The following SUPT20H variants were observed in gnomAD, a reference collection of about 807,000 sequenced individuals.
SUPT20H encodes transcription factor SPT20 homolog.
In SUPT20H, 82 loss-of-function variants were observed where a neutral mutation model predicts 122.8. The ratio of observed to expected loss-of-function variants is 0.67; its 90% CI spans 0.56 to 0.80. The LOEUF (loss-of-function observed/expected upper bound fraction) is 0.80, where lower values mean the gene tolerates loss of function less well. Ranked by LOEUF, SUPT20H falls within the 30% of genes least tolerant of loss-of-function variation. The pLI is 0.00. For missense variants in SUPT20H, 831 were observed against 921.6 expected, an observed-to-expected ratio of 0.90 and a Z score of 1.27; for synonymous variants, 291 against 313.0, an observed-to-expected ratio of 0.93 and a Z score of 0.74.
At chr13:37,028,004 C>T (rs538390425) in intron 14 of SUPT20H, 144 bp downstream of exon 14, 81 of 687,890 alleles carry the variant, frequency 1.2e-4, no homozygotes, top group East Asian at 1.0e-3. Flanking sequence ...TTAGGTCTAC[C>T]GCCAAATCTA....
chr13:37,045,129 C>G, intron 6 of SUPT20H, 118 bp downstream of exon 6: 1 of 1,322,290 alleles, frequency 7.6e-7, no homozygotes, highest in Non-Finnish European at 1.0e-6. Flanking sequence ...GTTTTTATCA[C>G]TAGGTCATCA....
chr13:37,025,508 G>A, intron 16 of SUPT20H, 71 bp from the exon 17 acceptor site: 3 of 1,018,412 alleles, frequency 2.9e-6, no homozygotes, highest in African/African-American at 1.6e-5. Context: ...TTATAGGAAA[G>A]AATAATGACT....
chr13:37,059,617 C>G lies in SUPT20H; in HGVS notation c.-152G>C, dbSNP rs2070207204. 2 of 152,276 alleles carry G rather than the reference C, an allele frequency of 1.3e-5. No individual in the cohort carries two copies. The highest frequency in any genetic ancestry group is 4.8e-5 in the African/African-American group (2 of 41,476). The allele number at this position is 152,276 out of a possible 1,614,324, so 9.4% of individuals were successfully genotyped here. A position where few individuals can be genotyped will look rare whatever the true frequency, so the allele number is the denominator to read the frequency against. On this transcript the variant is annotated 5_prime_UTR_variant, in exon 1 of 26. Coordinates refer to ENST00000350612, the MANE Select transcript of SUPT20H (RefSeq NM_001014286.3). ...CGGCGCCGCCTGCTCGGCAGCAAAG[C>G]CCACCCGCCCCGTCGGCGGCTCAGT...
chr13:37,029,301 G>A (rs2062878728), intron 13 of SUPT20H, among the ~76,000 whole-genome samples: 1 of 152,174 alleles, frequency 6.6e-6, no homozygotes, highest in Non-Finnish European at 1.5e-5. Flanking sequence ...GGCCAAGGTG[G>A]GCGGATCACC....
At chr13:37,016,189 G>A (rs2060450985) in intron 23 of SUPT20H, among the ~76,000 whole-genome samples, 2 of 152,114 alleles carry the variant, frequency 1.3e-5, no homozygotes, top group East Asian at 1.9e-4. Flanking sequence ...CCAGCAGTCT[G>A]GGAGGCTGAG....
At chr13:37,054,423 A>G (rs933064239) in intron 1 of SUPT20H, among the ~76,000 whole-genome samples, 30 of 152,198 alleles carry the variant, frequency 2.0e-4, no homozygotes, top group African/African-American at 7.0e-4. Context: ...ATCCACCATG[A>G]TCAAGTGGGC....
intron 7 of SUPT20H, among the ~76,000 whole-genome samples, chr13:37,042,736 A>G (rs2065722036): frequency 6.6e-6 from 1 of 152,214 alleles, no homozygotes; most frequent in South Asian, 2.1e-4. Flanking sequence ...TAGGTGGTGG[A>G]AAGAATGGGA....
chr13:37,017,413 C>T, intron 22 of SUPT20H, 49 bp from the exon 23 acceptor site: 4 of 1,516,540 alleles, frequency 2.6e-6, no homozygotes, highest in Non-Finnish European at 2.7e-6. Flanking sequence ...GATTTTATAT[C>T]AAATATTTAA....
intron 9 of SUPT20H, among the ~76,000 whole-genome samples, chr13:37,037,774 CACATA>C (rs1280221198): frequency 1.3e-5 from 2 of 152,156 alleles, no homozygotes; most frequent in African/African-American, 4.8e-5. Context: ...TTACTATTAT[CACATA>C]ACATATTTTA....
intron 15 of SUPT20H, among the ~76,000 whole-genome samples, 196 bp from the exon 16 acceptor site, chr13:37,026,432 G>C (rs1293316510): frequency 6.6e-6 from 1 of 152,054 alleles, no homozygotes; most frequent in Non-Finnish European, 1.5e-5. Flanking sequence ...CATGCATTAT[G>C]AAACAATGTG....
At position 37,025,224 on chromosome 13, in the gene SUPT20H, G is replaced by A. The variant is rs146413830; in HGVS notation, c.1329+96C>T. The A allele has an allele frequency of 4.5e-4, 476 of 1,065,844 alleles. 3 individuals carry two copies. The East Asian group carries it at 0.011, about 24-fold the overall frequency. 66.0% of individuals were successfully genotyped at this position (1,065,844 alleles called of 1,614,324 possible). On this transcript the variant is annotated intron_variant, in intron 17 of 25. Coordinates refer to ENST00000350612, the MANE Select transcript of SUPT20H (RefSeq NM_001014286.3). ...CCCAAAGTGTTGGGATTACAGGCAT[G>A]AGCCACTGTGCCTAGCCTCCAAAAA...
At chr13:37,031,536 A>G in intron 12 of SUPT20H, 31 bp downstream of exon 12, 2 of 1,437,764 alleles carry the variant, frequency 1.4e-6, no homozygotes, top group Non-Finnish European at 9.3e-7. Context: ...GAAACTTTAT[A>G]TGAAAAAAAG....
chr13:37,048,817 C>T (rs780137789), intron 2 of SUPT20H, among the ~76,000 whole-genome samples: 1 of 152,016 alleles, frequency 6.6e-6, no homozygotes, highest in Admixed American at 6.5e-5. Flanking sequence ...AATGCTTACA[C>T]GGTCTCTCTG....
intron 21 of SUPT20H, 109 bp downstream of exon 21, chr13:37,021,339 T>G: frequency 3.4e-6 from 4 of 1,178,360 alleles, no homozygotes; most frequent in Non-Finnish European, 4.5e-6. Flanking sequence ...GATACAACAC[T>G]TCATGAAATA....
intron 9 of SUPT20H, among the ~76,000 whole-genome samples, chr13:37,036,358 C>T (rs1194401292): frequency 6.7e-6 from 1 of 149,996 alleles, no homozygotes; most frequent in African/African-American, 2.4e-5. Context: ...CGGAGTCTTG[C>T]TCTGTCGCCA....
rs1359298234 is a variant in SUPT20H at position 37,031,626 on chromosome 13, GAAAAATTAA to G, written c.865-12_865-4del. The G allele has an allele frequency of 6.4e-7, 1 of 1,560,982 alleles. No homozygotes were observed. Among genetic ancestry groups the G allele is most frequent in the Non-Finnish European group, 8.6e-7 (1 of 1,162,586 alleles). Reference sequence around the variant, plus strand: ...CTCCGTTTCCACATATCTACACACTGAAAAATTAAAAACAATATACTGAAAAATTAAAAA... The same window carrying G: ...CTCCGTTTCCACATATCTACACACTGAAACAATATACTGAAAAATTAAAAA... On this transcript the variant is annotated splice_polypyrimidine_tract_variant and splice_region_variant and intron_variant, in intron 11 of 25. Transcript: ENST00000350612.
At chr13:37,017,488 G>A in intron 22 of SUPT20H, 124 bp from the exon 23 acceptor site, 2 of 1,057,388 alleles carry the variant, frequency 1.9e-6, no homozygotes, top group Non-Finnish European at 2.6e-6. Flanking sequence ...TGAAGAAACA[G>A]GTAAAGAAAA....
At chr13:37,054,938 T>C (rs2068596069) in intron 1 of SUPT20H, among the ~76,000 whole-genome samples, 1 of 152,222 alleles carries the variant, frequency 6.6e-6, no homozygotes, top group Non-Finnish European at 1.5e-5. Context: ...ACAAAATCAA[T>C]GTGCAAAAAT....
Position 37,012,182 on chromosome 13 carries a change from A to T in SUPT20H, c.2098+10T>A, listed in dbSNP as rs2059732897. The T allele has an allele frequency of 6.3e-7, 1 of 1,599,554 alleles. No homozygotes were observed. Among genetic ancestry groups the T allele is most frequent in the Non-Finnish European group, 8.6e-7 (1 of 1,167,678 alleles). ...GTAAATTCAGCATATAAAGTTATGA[A>T]GATACCTACCAGCTGCCTGTGACTG... On this transcript the variant is annotated intron_variant, in intron 24 of 25. Coordinates refer to ENST00000350612, the MANE Select transcript of SUPT20H (RefSeq NM_001014286.3).
Sources: gnomAD v4.1 joint callset for allele counts (sites outside exome capture counted in the v4.1 genomes callset) on GRCh38, gnomAD v4.1.1 for gene constraint, MANE v1.5 for transcripts, NCBI Gene and HGNC (gene_info 2026-07-23, HGNC 2026-07-21) for gene names.